Variants in SLC25A32 observed in about 807,000 individuals in gnomAD.
SLC25A32 encodes solute carrier family 25 member 32.
Under a neutral mutation model 39.0 loss-of-function variants are expected in SLC25A32, and 32 were observed. The observed-to-expected ratio is 0.82, with a 90% CI of 0.62 to 1.10. The LOEUF is 1.10. SLC25A32 is among the 50% of genes least tolerant of loss of function. The pLI, the probability that SLC25A32 is intolerant of heterozygous loss-of-function variation, is 0.00. For synonymous variants in SLC25A32, 166 were observed against 152.4 expected (o/e 1.09, Z -0.66); for missense variants, 367 against 395.3 (o/e 0.93, Z 0.61).
intron 1 of SLC25A32, among the ~76,000 whole-genome samples, chr8:103,413,799 C>T (rs897354144): frequency 6.6e-6 from 1 of 152,194 alleles, no homozygotes; most frequent in Non-Finnish European, 1.5e-5. Context: ...AAACCCCAAG[C>T]CCCAATCTTC....
At chr8:103,404,052 T>C (rs773883123) in intron 3 of SLC25A32, among the ~76,000 whole-genome samples, 28 of 152,162 alleles carry the variant, frequency 1.8e-4, no homozygotes, top group Non-Finnish European at 3.7e-4. Flanking sequence ...GAAATCAAGG[T>C]ATTAAAGTAG....
rs141807576 is a variant in SLC25A32, at chr8:103,403,550, G to A, written c.392-226C>T. Among the ~76,000 whole-genome samples the A allele has an allele frequency of 5.6e-3, 856 of 152,206 alleles. 1 individual carries two copies. The highest frequency in any genetic ancestry group is 0.019 in the African/African-American group (799 of 41,524). ...AAAGTTCCTCATGCAGTTAGCTAGAGGTAAATTAAAAGGGAGATGGAAATG... is the reference window on the plus strand; with the variant it reads ...AAAGTTCCTCATGCAGTTAGCTAGAAGTAAATTAAAAGGGAGATGGAAATG... On this transcript the variant is annotated intron_variant, in intron 3 of 6. Transcript: ENST00000297578.
chr8:103,404,716 A>C (rs901083581), intron 3 of SLC25A32, 60 bp downstream of exon 3: 2 of 1,269,512 alleles, frequency 1.6e-6, no homozygotes, highest in African/African-American at 3.0e-5. Flanking sequence ...AGAAATCAAA[A>C]ACCAAAACTG....
rs1816154422 is a variant in SLC25A32, at chr8:103,398,690, G to A, written c.*1721C>T. The A allele has an allele frequency of 1.3e-5, 2 of 152,136 alleles. No homozygotes were observed. Among genetic ancestry groups the A allele is most frequent in the South Asian group, 2.1e-4 (1 of 4,828 alleles). 9.4% of individuals were successfully genotyped at this position (152,136 alleles called of 1,614,324 possible). On this transcript the variant is annotated 3_prime_UTR_variant, in exon 7 of 7. Transcript: ENST00000297578. Reference sequence around the variant, plus strand: ...TTTATTCATTTGGGAGTACATAGGCGGTATTTAAACAATGGTGCTATCTTA... The same window carrying A: ...TTTATTCATTTGGGAGTACATAGGCAGTATTTAAACAATGGTGCTATCTTA...
At chr8:103,413,107 T>G (rs184259950) in intron 1 of SLC25A32, among the ~76,000 whole-genome samples, 29 of 152,292 alleles carry the variant, frequency 1.9e-4, no homozygotes, top group Non-Finnish European at 2.6e-4. Context: ...GCCCCACTAG[T>G]CTCCTAATAC....
intron 6 of SLC25A32, among the ~76,000 whole-genome samples, chr8:103,400,979 G>A (rs1334114760): frequency 6.6e-6 from 1 of 152,060 alleles, no homozygotes; most frequent in Non-Finnish European, 1.5e-5. Context: ...TGTCACTTAG[G>A]TGCTCATTAA....
At chr8:103,411,165 G>A (rs1488639841) in intron 1 of SLC25A32, among the ~76,000 whole-genome samples, 2 of 152,148 alleles carry the variant, frequency 1.3e-5, no homozygotes, top group Non-Finnish European at 2.9e-5. Flanking sequence ...GATAGCAAAG[G>A]TAAAATTTAT....
chr8:103,413,688 GT>G (rs1000422463), intron 1 of SLC25A32, among the ~76,000 whole-genome samples: 19 of 152,104 alleles, frequency 1.2e-4, no homozygotes, highest in Non-Finnish European at 2.5e-4. Flanking sequence ...TCTTTGTGGT[GT>G]TTTTTCTAGA....
In SLC25A32 at chr8:103,401,961, T is replaced by G. The variant is rs1034130080; in HGVS notation, c.646A>C (p.Arg216=). ...LKLKYNQHIN[R]LPEAQLSTVE... ...CTTACCAACTGGGCTTCTGGTAATC[T>G]ATTGATATGCTGGTTGTACTTCAAC... Residue 216 remains arginine (R), a synonymous_variant, in exon 5 of 7, where the codon AGA becomes CGA. Coordinates refer to ENST00000297578, the MANE Select transcript of SLC25A32 (RefSeq NM_030780.5). 1.9e-6 allele frequency: 3 copies of G among 1,611,642 alleles called. No individual in the cohort carries two copies. Among genetic ancestry groups the G allele is most frequent in the Non-Finnish European group, 1.7e-6 (2 of 1,178,814 alleles).
intron 6 of SLC25A32, 56 bp from the exon 7 acceptor site, chr8:103,400,602 CG>C (rs1314518492): frequency 9.5e-6 from 15 of 1,582,276 alleles, no homozygotes; most frequent in Non-Finnish European, 1.3e-5. Context: ...CTTGAAAACA[CG>C]GAAGTTCTAA....
intron 4 of SLC25A32, 103 bp from the exon 5 acceptor site, chr8:103,402,157 A>C (rs1816232488): frequency 1.4e-6 from 1 of 693,386 alleles, no homozygotes; most frequent in Non-Finnish European, 2.3e-6. Context: ...ACTTTAAGCA[A>C]ATTCATTTAA....
At chr8:103,401,689 T>C in intron 5 of SLC25A32, 28 bp from the exon 6 acceptor site, 1 of 1,540,344 alleles carries the variant, frequency 6.5e-7, no homozygotes, top group South Asian at 1.3e-5. Flanking sequence ...AACAGTTTTT[T>C]CTTTAGACAG....
intron 2 of SLC25A32, among the ~76,000 whole-genome samples, chr8:103,406,298 C>T (rs1258374104): frequency 1.3e-5 from 2 of 152,046 alleles, no homozygotes; most frequent in Admixed American, 1.3e-4. Context: ...CTGCCATAAA[C>T]TTATGGGAGA....
At chr8:103,406,448 G>C (rs1816335135) in intron 2 of SLC25A32, among the ~76,000 whole-genome samples, 1 of 152,210 alleles carries the variant, frequency 6.6e-6, no homozygotes, top group African/African-American at 2.4e-5. Context: ...CGTGCTCAGA[G>C]CAGCACATGC....
intron 2 of SLC25A32, among the ~76,000 whole-genome samples, chr8:103,407,165 C>G (rs1358673144): frequency 6.6e-6 from 1 of 152,170 alleles, no homozygotes; most frequent in African/African-American, 2.4e-5. Flanking sequence ...TAATAAAACA[C>G]CGATGGGGCC....
At chr8:103,402,253 A>G (rs1005934708) in intron 4 of SLC25A32, 199 bp from the exon 5 acceptor site, 1 of 444,550 alleles carries the variant, frequency 2.2e-6, no homozygotes, top group South Asian at 3.9e-5. Flanking sequence ...CTTTATTTTT[A>G]AAGGTTTGGA....
rs765449167 is a variant in SLC25A32 at position 103,403,234 on chromosome 8, C to T, written c.482G>A (p.Arg161Gln). 9 of 1,612,208 alleles carry T rather than the reference C, an allele frequency of 5.6e-6. No homozygotes were observed. The highest frequency in any genetic ancestry group is 1.7e-5 in the Admixed American group (1 of 59,934). ...TGTATCAAACATTCCTTTATATTGT[C>T]GGTGTGGGGAGTTAACAACAGCATC... The part of the protein sequence containing the change: ...QYDAVVNSPH[R>Q]QYKGMFDTLV... Residue 161 changes from arginine to glutamine, a missense_variant, in exon 4 of 7, where the codon CGA becomes CAA. Arg to Gln is a conservative substitution (Grantham distance 43). Coordinates refer to ENST00000297578, the MANE Select transcript of SLC25A32 (RefSeq NM_030780.5).
chr8:103,414,836 G>A lies in SLC25A32; in HGVS notation c.102C>T (p.Val34=), dbSNP rs373956646. 6.2e-7 allele frequency: 1 copy of A among 1,613,828 alleles called. No individual in the cohort carries two copies. Among genetic ancestry groups the A allele is most frequent in the Non-Finnish European group, 8.5e-7 (1 of 1,180,034 alleles). The part of the protein sequence containing the change: ...ENLIAGVSGG[V]LSNLALHPLD... ...GCGGATGCAGCGCAAGGTTGGATAA[G>A]ACGCCGCCGCTCACGCCCGCTATCA... The change falls in exon 1 of 7, where the codon GTC becomes GTT. Residue 34 remains valine, a synonymous_variant. Transcript: ENST00000297578.
intron 1 of SLC25A32, among the ~76,000 whole-genome samples, chr8:103,410,569 C>T (rs1816444329): frequency 6.6e-6 from 1 of 152,166 alleles, no homozygotes; most frequent in South Asian, 2.1e-4. Context: ...ACCTCCTCCA[C>T]CCCCGTTCAT....
Sources: gnomAD v4.1 joint callset for allele counts (sites outside exome capture counted in the v4.1 genomes callset) on GRCh38, gnomAD v4.1.1 for gene constraint, MANE v1.5 for transcripts, NCBI Gene and HGNC (gene_info 2026-07-23, HGNC 2026-07-21) for gene names.